The following SOX13 variants were observed in gnomAD, a reference collection of about 807,000 sequenced individuals.
The protein encoded by SOX13 is SRY-box transcription factor 13.
Under a neutral mutation model 71.8 loss-of-function variants are expected in SOX13, and 28 were observed. The observed-to-expected ratio is 0.39, with a 90% CI of 0.29 to 0.53. The LOEUF is 0.53. SOX13 is among the 20% of genes least tolerant of loss of function. The pLI is 0.70. For synonymous variants in SOX13, 309 were observed against 317.8 expected, an observed-to-expected ratio of 0.97 and a Z score of 0.29; for missense variants, 627 against 810.3, an observed-to-expected ratio of 0.77 and a Z score of 2.75.
intron 1 of SOX13, among the ~76,000 whole-genome samples, chr1:204,092,528 A>G (rs943605433): frequency 6.6e-6 from 1 of 152,250 alleles, no homozygotes; most frequent in African/African-American, 2.4e-5. Flanking sequence ...AAGTGGGAAA[A>G]GAATAACACC....
rs377482517 is a variant in SOX13 at position 204,112,961 on chromosome 1, G to A, written c.46G>A (p.Val16Ile). Reference protein sequence around the residue: ...PISAQLALDGVGTMVNCTIKS... With the variant: ...PISAQLALDGIGTMVNCTIKS... ...CTCTGCCCAGCTGGCCCTGGATGGC[G>A]TTGGCACCATGGTGAACTGCACCAT... Residue 16 changes from valine (V) to isoleucine (I), a missense_variant, in exon 2 of 14, where the codon GTT becomes ATT. Val to Ile is a conservative substitution (Grantham distance 29). Around this residue, in one of 3 missense-constraint regions of SOX13, gnomAD observed 447 missense variants for 532.2 expected, o/e 0.84. Transcript: ENST00000367204. The A allele has an allele frequency of 3.0e-5, 48 of 1,613,622 alleles. No individual in the cohort carries two copies. The highest frequency in any genetic ancestry group is 7.7e-5 in the South Asian group (7 of 91,086).
rs1656924150 is a variant in SOX13, at chr1:204,126,403, CACTGTATG to C, written c.*273_*280del. On this transcript the variant is annotated 3_prime_UTR_variant, in exon 14 of 14. Coordinates refer to ENST00000367204, the MANE Select transcript of SOX13 (RefSeq NM_005686.3). ...GCCTTTAGGGCTTATGGCCAGGGGA[CACTGTATG>C]ACTCTCCTCTCCTGCAGGTGTCTAT... is the stretch of plus-strand genomic sequence containing the variant. 2.0e-6 allele frequency: 1 copy of C among 505,380 alleles called. No individual in the cohort carries two copies. Among genetic ancestry groups the C allele is most frequent in the African/African-American group, 1.9e-5 (1 of 52,248 alleles). 31.3% of individuals were successfully genotyped at this position (505,380 alleles called of 1,614,324 possible). A position where few individuals can be genotyped will look rare whatever the true frequency, so the allele number is the denominator to read the frequency against.
At chr1:204,097,269 T>G (rs1262387179) in intron 1 of SOX13, among the ~76,000 whole-genome samples, 1 of 152,194 alleles carries the variant, frequency 6.6e-6, no homozygotes, top group Non-Finnish European at 1.5e-5. Context: ...AAGGAAATCA[T>G]GATGCAGCCA....
Position 204,116,810 on chromosome 1 carries a change from G to A in SOX13, c.591+131G>A, listed in dbSNP as rs1479395365. ...TGGGGGCAGGCTGGGCAGGGTCTGT[G>A]GCCAGGGGCTGTAGGATTCCCACCT... On this transcript the variant is annotated intron_variant, in intron 5 of 13. Coordinates refer to ENST00000367204, the MANE Select transcript of SOX13 (RefSeq NM_005686.3). 2.0e-5 allele frequency: 30 copies of A among 1,474,578 alleles called. 1 individual carries two copies. The highest frequency in any genetic ancestry group is 2.6e-5 in the Non-Finnish European group (29 of 1,102,074). 91.3% of individuals were successfully genotyped at this position (1,474,578 alleles called of 1,614,324 possible).
intron 1 of SOX13, among the ~76,000 whole-genome samples, chr1:204,105,550 T>C (rs1656453577): frequency 6.6e-6 from 1 of 151,932 alleles, no homozygotes; most frequent in Non-Finnish European, 1.5e-5. Context: ...GGATTACAGG[T>C]ATGCACCACC....
intron 1 of SOX13, among the ~76,000 whole-genome samples, chr1:204,105,850 G>C (rs1656460351): frequency 6.6e-6 from 1 of 152,182 alleles, no homozygotes; most frequent in South Asian, 2.1e-4. Context: ...GGGGCTGACG[G>C]GCTACCCTGT....
At position 204,123,502 on chromosome 1, in the gene SOX13, C is replaced by T. The variant is rs1038355041; in HGVS notation, c.1232-159C>T. On this transcript the variant is annotated intron_variant, in intron 11 of 13. Transcript: ENST00000367204. The surrounding 1 kb of genome is among the most constrained non-coding windows in gnomAD (Gnocchi z 5.0). ...CTCTGCGGATAATTTGCTGTTTCTTCTGCCCCATCTGCTCCTGCCTTGCTC... is the reference window on the plus strand; with the variant it reads ...CTCTGCGGATAATTTGCTGTTTCTTTTGCCCCATCTGCTCCTGCCTTGCTC... 1.3e-5 allele frequency among the ~76,000 whole-genome samples: 2 copies of T among 152,212 alleles called. No individual in the cohort carries two copies. The highest frequency in any genetic ancestry group is 1.3e-4 in the Admixed American group (2 of 15,288).
chr1:204,127,729 C>T lies in SOX13; in HGVS notation c.*1595C>T, dbSNP rs922317138. The T allele has an allele frequency of 6.6e-6, 1 of 152,562 alleles. No individual in the cohort carries two copies. The highest frequency in any genetic ancestry group is 1.5e-5 in the Non-Finnish European group (1 of 68,024). The allele number at this position is 152,562 out of a possible 1,614,324, so 9.5% of individuals were successfully genotyped here. ...TTGTTTTCTGATGACATAATAAAGA[C>T]AGATCATTTCAGAATCTGGCCCTTG... On this transcript the variant is annotated 3_prime_UTR_variant, in exon 14 of 14. Transcript: ENST00000367204.
At chr1:204,121,850 T>C in intron 7 of SOX13, 50 bp from the exon 8 acceptor site, 2 of 1,279,486 alleles carry the variant, frequency 1.6e-6, no homozygotes, top group Admixed American at 1.7e-5. Flanking sequence ...GCAGGGTGTC[T>C]GCTGTTCTGT....
chr1:204,074,771 C>T (rs1490978402), intron 1 of SOX13, among the ~76,000 whole-genome samples: 4 of 152,204 alleles, frequency 2.6e-5, no homozygotes, highest in African/African-American at 9.6e-5. Flanking sequence ...TCCGGGAGGA[C>T]CCCGAGCGCT....
chr1:204,111,300 AAGT>A (rs1278099070), intron 1 of SOX13, among the ~76,000 whole-genome samples: 2 of 152,192 alleles, frequency 1.3e-5, no homozygotes, highest in Admixed American at 1.3e-4. Flanking sequence ...AGGAAACTTG[AAGT>A]ACAGAGCAGC....
intron 5 of SOX13, among the ~76,000 whole-genome samples, 190 bp downstream of exon 5, chr1:204,116,869 G>A (rs558369466): frequency 1.7e-4 from 26 of 152,322 alleles, no homozygotes; most frequent in Admixed American, 8.5e-4. Flanking sequence ...CAGGGTTAGG[G>A]GTGGGAGGGT....
At position 204,117,330 on chromosome 1, in the gene SOX13, A is replaced by G; in HGVS notation, c.660+140A>G. ...ACTCAGGCCTGACCTGAGGAGGGTTATTTCTATTCTAGCCCCCAACCTGTC... is the reference window on the plus strand; with the variant it reads ...ACTCAGGCCTGACCTGAGGAGGGTTGTTTCTATTCTAGCCCCCAACCTGTC... On this transcript the variant is annotated intron_variant, in intron 6 of 13. Transcript: ENST00000367204. 9.0e-6 allele frequency: 7 copies of G among 776,396 alleles called. No homozygotes were observed. In the South Asian group the frequency reaches 1.1e-4, roughly 12 times the overall value. The allele number at this position is 776,396 out of a possible 1,614,324, so 48.1% of individuals were successfully genotyped here.
At chr1:204,095,205 C>A (rs1372120135) in intron 1 of SOX13, among the ~76,000 whole-genome samples, 1 of 152,184 alleles carries the variant, frequency 6.6e-6, no homozygotes, top group Non-Finnish European at 1.5e-5. Context: ...TTGAAACCGC[C>A]AACTCTAAGA....
intron 1 of SOX13, among the ~76,000 whole-genome samples, chr1:204,103,281 T>G (rs1468180285): frequency 1.3e-5 from 2 of 152,228 alleles, no homozygotes; most frequent in Non-Finnish European, 2.9e-5. Context: ...ACAACTGCAA[T>G]CCTGTAAGAG....
chr1:204,114,506 T>C lies in SOX13; in HGVS notation c.332-13T>C. On this transcript the variant is annotated splice_polypyrimidine_tract_variant and intron_variant, in intron 3 of 13. Coordinates refer to ENST00000367204, the MANE Select transcript of SOX13 (RefSeq NM_005686.3). Reference sequence around the variant, plus strand: ...TTAAGACGGTTATTCCTCACCCCTTTGCTGTCTTCCAGTGGTGCCAGCCAT... The same window carrying C: ...TTAAGACGGTTATTCCTCACCCCTTCGCTGTCTTCCAGTGGTGCCAGCCAT... The C allele has an allele frequency of 1.2e-6, 2 of 1,612,538 alleles. No homozygotes were observed. Among genetic ancestry groups the C allele is most frequent in the South Asian group, 1.1e-5 (1 of 91,036 alleles).
intron 1 of SOX13, among the ~76,000 whole-genome samples, chr1:204,103,581 A>T (rs1201587288): frequency 6.6e-6 from 1 of 152,226 alleles, no homozygotes; most frequent in East Asian, 1.9e-4. Context: ...TTTGCCTCCC[A>T]TTCCTTTGGT....
chr1:204,124,598 C>T (rs1396212850), intron 12 of SOX13, 43 bp from the exon 13 acceptor site: 7 of 1,543,466 alleles, frequency 4.5e-6, no homozygotes, highest in Non-Finnish European at 6.2e-6. Context: ...GGGTGGTCAG[C>T]AGAGCCCAGC....
chr1:204,098,354 G>A (rs56305552), intron 1 of SOX13, among the ~76,000 whole-genome samples: 84,979 of 151,732 alleles, frequency 0.56, 24,004 homozygotes, highest in East Asian at 0.7. Context: ...GCGCATGCCT[G>A]TAATCCCAGC....
Sources: allele counts gnomAD v4.1 joint callset (sites outside exome capture counted in the v4.1 genomes callset), GRCh38; gene constraint gnomAD v4.1.1; regional missense constraint gnomAD v4.1.1; non-coding constraint Gnocchi (gnomAD v3.1); transcripts MANE v1.5; gene names NCBI Gene and HGNC (gene_info 2026-07-23, HGNC 2026-07-21).